DYNC1LI1: variants seen among roughly 807,000 people sequenced by gnomAD.
DYNC1LI1 encodes cytoplasmic dynein 1 light intermediate chain 1.
DYNC1LI1 carries 19 observed loss-of-function variants against 63.8 expected under a neutral mutation model. That is an observed-to-expected ratio of 0.30 (90% CI 0.21 to 0.44). The LOEUF is 0.44. Among genes scored for constraint, DYNC1LI1 ranks in the 20% least tolerant of loss-of-function variants. DYNC1LI1 has a pLI of 1.00. For missense variants in DYNC1LI1, 565 were observed against 630.2 expected (o/e 0.90, Z 1.11); for synonymous variants, 225 against 232.3 (o/e 0.97, Z 0.28).
chr3:32,526,680 A>G lies in DYNC1LI1; in HGVS notation c.*119T>C. 1.5e-6 allele frequency: 1 copy of G among 678,904 alleles called. No individual in the cohort carries two copies. Among genetic ancestry groups the G allele is most frequent in the Non-Finnish European group, 2.6e-6 (1 of 389,616 alleles). 42.1% of individuals were successfully genotyped at this position (678,904 alleles called of 1,614,324 possible). On this transcript the variant is annotated 3_prime_UTR_variant, in exon 13 of 13. Transcript: ENST00000273130. ...ACACACACACACACACACACACACG[A>G]CATAAATTTAGTCCATCTGAAGAAG...
At chr3:32,569,166 G>C (rs1039912260) in intron 2 of DYNC1LI1, among the ~76,000 whole-genome samples, 1 of 152,152 alleles carries the variant, frequency 6.6e-6, no homozygotes, top group Admixed American at 6.5e-5. Context: ...GAGGTTTATA[G>C]ATGTCAAGCA....
intron 2 of DYNC1LI1, among the ~76,000 whole-genome samples, chr3:32,556,335 CGT>C (rs1698114908): frequency 6.6e-6 from 1 of 152,182 alleles, no homozygotes; most frequent in Non-Finnish European, 1.5e-5. Context: ...TCATCTTAGA[CGT>C]GTGTTTCTTC....
intron 2 of DYNC1LI1, among the ~76,000 whole-genome samples, chr3:32,563,608 G>GAGTCTA (rs1698221507): frequency 6.6e-6 from 1 of 152,044 alleles, no homozygotes; most frequent in Admixed American, 6.6e-5. Context: ...ACTTGTTAGT[G>GAGTCTA]ACAGAGTCCC....
intron 10 of DYNC1LI1, among the ~76,000 whole-genome samples, 176 bp from the exon 11 acceptor site, chr3:32,529,836 C>CAG (rs989028357): frequency 3.3e-5 from 5 of 152,178 alleles, no homozygotes; most frequent in Admixed American, 6.5e-5. Flanking sequence ...GAATGCCAGA[C>CAG]AGAGGCCCAT....
intron 4 of DYNC1LI1, among the ~76,000 whole-genome samples, chr3:32,541,444 T>C (rs1041672229): frequency 6.6e-6 from 1 of 152,226 alleles, no homozygotes; most frequent in African/African-American, 2.4e-5. Context: ...GGGTTCTATC[T>C]AGACCTGGCT....
At chr3:32,560,537 GAACACCC>G (rs1698175784) in intron 2 of DYNC1LI1, among the ~76,000 whole-genome samples, 1 of 152,018 alleles carries the variant, frequency 6.6e-6, no homozygotes, top group African/African-American at 2.4e-5. Flanking sequence ...GTACCTAGCA[GAACACCC>G]AACACAAGTA....
chr3:32,568,845 A>C (rs1255915140), intron 2 of DYNC1LI1, among the ~76,000 whole-genome samples: 1 of 152,224 alleles, frequency 6.6e-6, no homozygotes, highest in African/African-American at 2.4e-5. Context: ...TATGAGCTTA[A>C]ATCCATTTTA....
chr3:32,567,592 G>A (rs1422911869), intron 2 of DYNC1LI1, among the ~76,000 whole-genome samples: 1 of 151,714 alleles, frequency 6.6e-6, no homozygotes, highest in Non-Finnish European at 1.5e-5. Context: ...AGGCTGGAGT[G>A]CAATGGCGTA....
chr3:32,557,256 C>T (rs981365267), intron 2 of DYNC1LI1, among the ~76,000 whole-genome samples: 2 of 152,190 alleles, frequency 1.3e-5, no homozygotes, highest in Non-Finnish European at 2.9e-5. Context: ...TGGCTTAGGC[C>T]TGTAATCCCA....
At chr3:32,556,888 C>T (rs1412301537) in intron 2 of DYNC1LI1, among the ~76,000 whole-genome samples, 1 of 152,200 alleles carries the variant, frequency 6.6e-6, no homozygotes, top group Non-Finnish European at 1.5e-5. Context: ...TAATATACTT[C>T]ATCTGTAACT....
At chr3:32,550,678 A>G (rs188827336) in intron 2 of DYNC1LI1, among the ~76,000 whole-genome samples, 22 of 152,352 alleles carry the variant, frequency 1.4e-4, no homozygotes, top group Middle Eastern at 3.4e-3. Flanking sequence ...ATTTGTTATA[A>G]GGTATCAGAA....
chr3:32,527,307 A>T (rs1336068737), intron 12 of DYNC1LI1, among the ~76,000 whole-genome samples: 2 of 152,216 alleles, frequency 1.3e-5, no homozygotes, highest in African/African-American at 4.8e-5. Context: ...AAAAATAAAA[A>T]TAATATAAAT....
chr3:32,543,920 G>T (rs916847546), intron 4 of DYNC1LI1, among the ~76,000 whole-genome samples: 5 of 151,170 alleles, frequency 3.3e-5, no homozygotes, highest in Middle Eastern at 3.4e-3. Context: ...AAAAAAATTA[G>T]CCAGGCATGG....
chr3:32,568,217 C>T (rs1698295159), intron 2 of DYNC1LI1, among the ~76,000 whole-genome samples: 1 of 152,200 alleles, frequency 6.6e-6, no homozygotes, highest in Non-Finnish European at 1.5e-5. Flanking sequence ...ATCCTCCTGC[C>T]TAGCACCTTC....
At chr3:32,537,876 T>TATATATATAATATATATATA in intron 5 of DYNC1LI1, among the ~76,000 whole-genome samples, 1 of 100,002 alleles carries the variant, frequency 1.0e-5, no homozygotes, top group East Asian at 2.5e-4. Context: ...TTGTTACATA[T>TATATATATAATATATATATA]ATATATATAT....
At chr3:32,553,850 T>G (rs933066104) in intron 2 of DYNC1LI1, among the ~76,000 whole-genome samples, 11 of 152,260 alleles carry the variant, frequency 7.2e-5, no homozygotes, top group Non-Finnish European at 1.2e-4. Flanking sequence ...CATAGGAATT[T>G]AATGCCAAGG....
rs1299326459 is a variant in DYNC1LI1 at position 32,530,509 on chromosome 3, C to T, written c.1092G>A (p.Glu364=). The T allele has an allele frequency of 1.9e-6, 3 of 1,612,938 alleles. No individual in the cohort carries two copies. The highest frequency in any genetic ancestry group is 1.3e-5 in the African/African-American group (1 of 74,906). The change falls in exon 9 of 13, where the codon GAG becomes GAA. Residue 364 remains glutamate (E), a synonymous_variant. Coordinates refer to ENST00000273130, the MANE Select transcript of DYNC1LI1 (RefSeq NM_016141.4). ...GATCATCTTCTGCCATAATTTCCTT[C>T]TCATGTACAAACTGAAATGAGCAAT... ...TKPPVRKFVH[E]KEIMAEDDQV...
At chr3:32,565,357 A>G (rs976181944) in intron 2 of DYNC1LI1, among the ~76,000 whole-genome samples, 1 of 152,220 alleles carries the variant, frequency 6.6e-6, no homozygotes, top group Non-Finnish European at 1.5e-5. Flanking sequence ...CAGCAAATCA[A>G]AAAGTTACAC....
chr3:32,537,167 T>A, intron 5 of DYNC1LI1, 63 bp from the exon 6 acceptor site: 1 of 926,944 alleles, frequency 1.1e-6, no homozygotes, highest in Admixed American at 3.1e-5. Context: ...TATAGTAATT[T>A]AAACAGTTCA....
Sources: gnomAD v4.1 joint callset for allele counts (sites outside exome capture counted in the v4.1 genomes callset) on GRCh38, gnomAD v4.1.1 for gene constraint, MANE v1.5 for transcripts, NCBI Gene and HGNC (gene_info 2026-07-23, HGNC 2026-07-21) for gene names.